ARHGAP42: variants seen among roughly 807,000 people sequenced by gnomAD.
ARHGAP42 encodes the protein Rho GTPase activating protein 42, also known as rho GTPase-activating protein 42.
A neutral mutation model predicts 125.0 loss-of-function variants in ARHGAP42; 63 were observed. The observed-to-expected ratio is 0.50, with a 90% CI of 0.41 to 0.62. ARHGAP42 has a LOEUF of 0.62. Ranked by LOEUF, ARHGAP42 falls within the 20% of genes least tolerant of loss-of-function variation. The pLI is 0.00. For synonymous variants in ARHGAP42, 339 were observed against 351.0 expected, an observed-to-expected ratio of 0.97 and a Z score of 0.38; for missense variants, 766 against 1,024.2, an observed-to-expected ratio of 0.75 and a Z score of 3.44.
At chr11:100,838,924 C>G (rs1176690756) in intron 3 of ARHGAP42, among the ~76,000 whole-genome samples, 1 of 152,090 alleles carries the variant, frequency 6.6e-6, no homozygotes, top group Admixed American at 6.6e-5. Context: ...CTTGCACTAA[C>G]TTCCACCATT....
intron 3 of ARHGAP42, among the ~76,000 whole-genome samples, chr11:100,841,900 G>A (rs1378774719): frequency 6.6e-6 from 1 of 152,016 alleles, no homozygotes; most frequent in Non-Finnish European, 1.5e-5. Flanking sequence ...TTTCTTTGTG[G>A]CTCCTGTCAT....
intron 4 of ARHGAP42, among the ~76,000 whole-genome samples, chr11:100,898,748 C>G (rs529931515): frequency 6.6e-6 from 1 of 151,968 alleles, no homozygotes; most frequent in Non-Finnish European, 1.5e-5. Flanking sequence ...CTTTATTAGT[C>G]TTGCTAGTGG....
intron 1 of ARHGAP42, among the ~76,000 whole-genome samples, chr11:100,738,893 GTTTAA>G (rs1862121043): frequency 6.6e-6 from 1 of 152,170 alleles, no homozygotes; most frequent in East Asian, 1.9e-4. Context: ...TTGTCTGACT[GTTTAA>G]TTTAATAGCA....
intron 1 of ARHGAP42, among the ~76,000 whole-genome samples, chr11:100,724,748 A>G (rs1343926350): frequency 6.6e-6 from 1 of 151,884 alleles, no homozygotes; most frequent in Non-Finnish European, 1.5e-5. Context: ...AATCTTTTCA[A>G]GGAACCAGCT....
intron 4 of ARHGAP42, among the ~76,000 whole-genome samples, chr11:100,878,982 A>AT (rs5794075): frequency 0.81 from 118,894 of 147,672 alleles, 48,103 homozygotes; most frequent in East Asian, 0.95. Flanking sequence ...GACATGAACA[A>AT]TTTTTTTTTT....
chr11:100,765,832 T>C (rs1862816867), intron 1 of ARHGAP42, among the ~76,000 whole-genome samples: 1 of 152,164 alleles, frequency 6.6e-6, no homozygotes, highest in African/African-American at 2.4e-5. Context: ...AGAAGCTGGA[T>C]TTTAGGAAGA....
chr11:100,959,996 C>T (rs1424450966), intron 13 of ARHGAP42, 51 bp downstream of exon 13: 3 of 1,455,150 alleles, frequency 2.1e-6, no homozygotes, highest in Non-Finnish European at 2.8e-6. Flanking sequence ...CTCATTCTTA[C>T]ATGGAAAACT....
intron 12 of ARHGAP42, among the ~76,000 whole-genome samples, chr11:100,951,593 G>A (rs909205125): frequency 6.6e-6 from 1 of 152,060 alleles, no homozygotes; most frequent in Non-Finnish European, 1.5e-5. Context: ...CTTCTGAATG[G>A]TGGCATAGTC....
intron 1 of ARHGAP42, among the ~76,000 whole-genome samples, chr11:100,738,679 G>A (rs985596241): frequency 1.3e-5 from 2 of 152,320 alleles, no homozygotes; most frequent in African/African-American, 2.4e-5. Context: ...AAAAAACTAT[G>A]TTGCTAGAGA....
chr11:100,842,496 A>G (rs12785918), intron 3 of ARHGAP42, among the ~76,000 whole-genome samples: 42,492 of 152,016 alleles, frequency 0.28, 6,583 homozygotes, highest in South Asian at 0.48. Flanking sequence ...GGGCCCAAGA[A>G]GCATATTAGC....
chr11:100,755,639 A>G lies in ARHGAP42; in HGVS notation c.155-14704A>G, dbSNP rs551559350. 7.2e-5 allele frequency among the ~76,000 whole-genome samples: 11 copies of G among 152,262 alleles called. No homozygotes were observed. The South Asian group carries it at 2.1e-3, about 29-fold the overall frequency. On this transcript the variant is annotated intron_variant, in intron 1 of 23. Transcript: ENST00000298815. ...CAGCTCATTGTCTTCTTTGAGTCTC[A>G]TTGTCTTGTTTTAGGCTTAGACCAT...
chr11:100,859,994 A>G (rs1399111563), intron 4 of ARHGAP42: 5 of 157,044 alleles, frequency 3.2e-5, no homozygotes, highest in African/African-American at 9.6e-5. Context: ...TATTCTTTGT[A>G]TTTTTTATAA....
intron 1 of ARHGAP42, among the ~76,000 whole-genome samples, chr11:100,756,033 A>G (rs1237436032): frequency 6.6e-6 from 1 of 152,092 alleles, no homozygotes; most frequent in East Asian, 1.9e-4. Context: ...GACTCACTGA[A>G]TCTAAGTTTC....
chr11:100,822,234 G>A (rs1565228933), intron 3 of ARHGAP42, among the ~76,000 whole-genome samples: 1 of 151,940 alleles, frequency 6.6e-6, no homozygotes, highest in Non-Finnish European at 1.5e-5. Context: ...TTAATTTGTT[G>A]TAAATTCATT....
chr11:100,915,405 A>G (rs1326488078), intron 5 of ARHGAP42, among the ~76,000 whole-genome samples: 2 of 152,168 alleles, frequency 1.3e-5, no homozygotes, highest in Non-Finnish European at 2.9e-5. Flanking sequence ...GCCCAGGGCT[A>G]TGGCCAGGTG....
chr11:100,713,149 T>G (rs1225487528), intron 1 of ARHGAP42, among the ~76,000 whole-genome samples: 2 of 152,216 alleles, frequency 1.3e-5, no homozygotes, highest in African/African-American at 2.4e-5. Flanking sequence ...GTTTTAAGAT[T>G]ATTGAGAATA....
chr11:100,852,503 A>G (rs1161400924), intron 3 of ARHGAP42, among the ~76,000 whole-genome samples: 1 of 152,194 alleles, frequency 6.6e-6, no homozygotes, highest in Non-Finnish European at 1.5e-5. Flanking sequence ...AGCCAGAAGA[A>G]ATAGCATTAA....
intron 2 of ARHGAP42, among the ~76,000 whole-genome samples, chr11:100,778,715 G>A (rs940223417): frequency 1.2e-4 from 18 of 152,066 alleles, no homozygotes; most frequent in African/African-American, 4.1e-4. Flanking sequence ...CATATTAGCT[G>A]TGTATTTTGA....
At chr11:100,960,343 A>G (rs1018634527) in intron 13 of ARHGAP42, among the ~76,000 whole-genome samples, 10 of 151,672 alleles carry the variant, frequency 6.6e-5, no homozygotes, top group Non-Finnish European at 1.5e-4. Flanking sequence ...CAGTTTTGGT[A>G]CCTTTCTTCG....
Sources: gnomAD v4.1 joint callset for allele counts (sites outside exome capture counted in the v4.1 genomes callset) on GRCh38, gnomAD v4.1.1 for gene constraint, MANE v1.5 for transcripts, NCBI Gene and HGNC (gene_info 2026-07-23, HGNC 2026-07-21) for gene names.